The following AFAP1 variants were observed in gnomAD, a reference collection of about 807,000 sequenced individuals.
AFAP1 encodes the protein actin filament associated protein 1, also known as actin filament-associated protein 1.
Under a neutral mutation model 93.9 loss-of-function variants are expected in AFAP1, and 75 were observed. That is an observed-to-expected ratio of 0.80 (90% CI 0.66 to 0.97). The LOEUF is 0.97. AFAP1 is among the 50% of genes least tolerant of loss of function. The pLI, the probability that AFAP1 is intolerant of heterozygous loss-of-function variation, is 0.00. For synonymous variants in AFAP1, 517 were observed against 430.7 expected, an observed-to-expected ratio of 1.20 and a Z score of -2.48; for missense variants, 1,201 against 1,050.8, an observed-to-expected ratio of 1.14 and a Z score of -1.98.
At chr4:7,798,766 CTGTGCCCCCAGCAAT>C (rs1718734385) in intron 10 of AFAP1, 2 of 433,892 alleles carry the variant, frequency 4.6e-6, no homozygotes, top group East Asian at 3.1e-4. Context: ...CACACAGCTA[CTGTGCCCCCAGCAAT>C]GGCAGGGCAG....
chr4:7,880,715 C>T (rs376750390), intron 1 of AFAP1, among the ~76,000 whole-genome samples: 2 of 152,182 alleles, frequency 1.3e-5, no homozygotes, highest in South Asian at 4.1e-4. Context: ...TTGCTGTGCA[C>T]GGAACTGTCT....
intron 1 of AFAP1, among the ~76,000 whole-genome samples, chr4:7,915,837 C>T (rs1720057018): frequency 6.6e-6 from 1 of 152,204 alleles, no homozygotes. Flanking sequence ...TTCTCACTTT[C>T]CCAGGCTCAC....
At chr4:7,764,269 A>C (rs1227408096) in intron 17 of AFAP1, among the ~76,000 whole-genome samples, 1 of 152,240 alleles carries the variant, frequency 6.6e-6, no homozygotes, top group Non-Finnish European at 1.5e-5. Flanking sequence ...GGCTGGGTGC[A>C]GTGGCTCACG....
At chr4:7,921,400 G>C (rs1236021168) in intron 1 of AFAP1, among the ~76,000 whole-genome samples, 5 of 151,902 alleles carry the variant, frequency 3.3e-5, no homozygotes, top group African/African-American at 7.3e-5. Context: ...GGCCAGGCTG[G>C]TCTCAAACTC....
At chr4:7,854,750 T>C (rs1330679715) in intron 4 of AFAP1, among the ~76,000 whole-genome samples, 1 of 152,130 alleles carries the variant, frequency 6.6e-6, no homozygotes, top group African/African-American at 2.4e-5. Context: ...TGGATTCCAT[T>C]AGTTGACATA....
intron 16 of AFAP1, 126 bp from the exon 17 acceptor site, chr4:7,769,134 A>G: frequency 7.9e-7 from 1 of 1,266,872 alleles, no homozygotes; most frequent in Non-Finnish European, 1.1e-6. Flanking sequence ...CAGCAGTAGC[A>G]GCAAGGACTG....
At chr4:7,789,845 T>G (rs575801598) in intron 11 of AFAP1, among the ~76,000 whole-genome samples, 1 of 152,222 alleles carries the variant, frequency 6.6e-6, no homozygotes, top group Non-Finnish European at 1.5e-5. Flanking sequence ...CCCAGCTGAG[T>G]GTGACTTGAA....
chr4:7,871,651 C>G (rs989709486), intron 2 of AFAP1, among the ~76,000 whole-genome samples: 1 of 152,166 alleles, frequency 6.6e-6, no homozygotes, highest in Non-Finnish European at 1.5e-5. Flanking sequence ...GTCCTGCACA[C>G]GAGGAAGAAC....
intron 1 of AFAP1, among the ~76,000 whole-genome samples, chr4:7,891,060 T>C (rs775698701): frequency 3.3e-5 from 5 of 152,012 alleles, no homozygotes; most frequent in Non-Finnish European, 7.4e-5. Context: ...CACAATGGAA[T>C]CTTTTTCAGC....
chr4:7,809,895 T>C (rs535468481), intron 8 of AFAP1, 132 bp from the exon 9 acceptor site: 2 of 1,058,646 alleles, frequency 1.9e-6, no homozygotes, highest in African/African-American at 1.6e-5. Context: ...GGTCTCACTC[T>C]GTCCCCTGGC....
At chr4:7,869,648 T>G (rs1031806640) in intron 2 of AFAP1, among the ~76,000 whole-genome samples, 11 of 152,296 alleles carry the variant, frequency 7.2e-5, no homozygotes, top group African/African-American at 2.6e-4. Context: ...GTACTATTTG[T>G]ATGCCTAACA....
At chr4:7,888,342 C>T (rs977511910) in intron 1 of AFAP1, among the ~76,000 whole-genome samples, 1 of 152,200 alleles carries the variant, frequency 6.6e-6, no homozygotes, top group Admixed American at 6.5e-5. Flanking sequence ...ACACTTCCAC[C>T]TGCTCTGAAT....
chr4:7,919,344 G>A (rs1300571394), intron 1 of AFAP1, among the ~76,000 whole-genome samples: 2 of 152,230 alleles, frequency 1.3e-5, no homozygotes, highest in African/African-American at 4.8e-5. Flanking sequence ...GTCAGCGTCT[G>A]TACACTTCAG....
intron 14 of AFAP1, 131 bp downstream of exon 14, chr4:7,778,631 A>C: frequency 1.2e-6 from 1 of 857,628 alleles, no homozygotes; most frequent in Non-Finnish European, 2.0e-6. Flanking sequence ...ATGAGGAAGG[A>C]TGACGGTGCC....
chr4:7,812,303 C>G (rs117620684), intron 8 of AFAP1, among the ~76,000 whole-genome samples: 2 of 152,092 alleles, frequency 1.3e-5, no homozygotes, highest in East Asian at 3.9e-4. Context: ...TGGCCCCCCC[C>G]AGAAAATGCA....
chr4:7,785,313 G>A lies in AFAP1; in HGVS notation c.1530+881C>T, dbSNP rs76533672. Reference sequence around the variant, plus strand: ...GACTCCTAAGGCCAGACAGACCCCCGAGGCCAGCGTAACAGGGAAAGCTGT... The same window carrying A: ...GACTCCTAAGGCCAGACAGACCCCCAAGGCCAGCGTAACAGGGAAAGCTGT... On this transcript the variant is annotated intron_variant, in intron 12 of 17. Coordinates refer to ENST00000420658, the MANE Select transcript of AFAP1 (RefSeq NM_001134647.2). Among the ~76,000 whole-genome samples the A allele has an allele frequency of 8.6e-4, 131 of 152,186 alleles. No homozygotes were observed. In the East Asian group the frequency reaches 0.024, roughly 28 times the overall value.
At chr4:7,891,604 T>C (rs1473816226) in intron 1 of AFAP1, among the ~76,000 whole-genome samples, 1 of 152,096 alleles carries the variant, frequency 6.6e-6, no homozygotes, top group Non-Finnish European at 1.5e-5. Flanking sequence ...AATCACAGGC[T>C]CTAATGAATT....
intron 5 of AFAP1, among the ~76,000 whole-genome samples, 174 bp from the exon 6 acceptor site, chr4:7,838,877 C>A (rs1380608423): frequency 6.6e-6 from 1 of 152,012 alleles, no homozygotes; most frequent in African/African-American, 2.4e-5. Context: ...GTGCTCTTCA[C>A]AGACACTTCG....
chr4:7,901,985 T>C (rs1450854727), intron 1 of AFAP1, among the ~76,000 whole-genome samples: 1 of 152,188 alleles, frequency 6.6e-6, no homozygotes, highest in Non-Finnish European at 1.5e-5. Flanking sequence ...ATTAAAGAAA[T>C]GCTTAATTTG....
Sources: gnomAD v4.1 joint callset for allele counts (sites outside exome capture counted in the v4.1 genomes callset) on GRCh38, gnomAD v4.1.1 for gene constraint, MANE v1.5 for transcripts, NCBI Gene and HGNC (gene_info 2026-07-23, HGNC 2026-07-21) for gene names.